ADAMTSL1: variants seen among roughly 807,000 people sequenced by gnomAD.
ADAMTSL1 encodes ADAMTS like 1.
ADAMTSL1 carries 126 observed loss-of-function variants against 201.8 expected under a neutral mutation model. The ratio of observed to expected loss-of-function variants is 0.62; its 90% CI spans 0.54 to 0.72. ADAMTSL1 has a LOEUF of 0.72. Among genes scored for constraint, ADAMTSL1 ranks in the 30% least tolerant of loss-of-function variants. ADAMTSL1 has a pLI of 0.00. For missense variants in ADAMTSL1, 2,679 were observed against 2,277.8 expected, an observed-to-expected ratio of 1.18 and a Z score of -3.59; for synonymous variants, 1,121 against 903.4, an observed-to-expected ratio of 1.24 and a Z score of -4.32.
chr9:18,658,487 A>T (rs59047805), intron 8 of ADAMTSL1, among the ~76,000 whole-genome samples: 26,860 of 152,172 alleles, frequency 0.18, 2,613 homozygotes, highest in African/African-American at 0.24. Context: ...ACCAGGAAAA[A>T]AAATCTCTGC....
chr9:18,894,345 C>CTTTTTTTTT lies in ADAMTSL1; in HGVS notation c.4851+1757_4851+1765dup, dbSNP rs56112949. On this transcript the variant is annotated intron_variant, in intron 26 of 28. Coordinates refer to ENST00000380548, the MANE Select transcript of ADAMTSL1 (RefSeq NM_001040272.6). ...CCTGGGTGACAGAGCAAAACCTTGT[C>CTTTTTTTTT]TTTTTTTTTTTTTTTTGAAAAAGGT... 3.4e-3 allele frequency among the ~76,000 whole-genome samples: 419 copies of CTTTTTTTTT among 123,880 alleles called. 11 individuals are homozygous for CTTTTTTTTT. The highest frequency in any genetic ancestry group is 3.8e-3 in the African/African-American group (119 of 31,342). 81.3% of individuals were successfully genotyped at this position (123,880 alleles called of 152,430 possible).
chr9:18,776,942 C>G lies in ADAMTSL1; in HGVS notation c.2713C>G (p.Arg905Gly), dbSNP rs769760271. ...GCTGCGCTGCCCGGCGCGCAGGGTC[C>G]GCAAGCCCCTCATCACCTGGGAGAA... ...VVLRCPARRVRKPLITWEKDG... is the reference protein window; with the variant it reads ...VVLRCPARRVGKPLITWEKDG... The change falls in exon 19 of 29, where the codon CGC becomes GGC. Residue 905 changes from arginine (R) to glycine (G), a missense_variant. Arg to Gly is a moderately radical substitution (Grantham distance 125, BLOSUM62 -2). Transcript: ENST00000380548. 1.2e-6 allele frequency: 2 copies of G among 1,600,142 alleles called. No homozygotes were observed. Among genetic ancestry groups the G allele is most frequent in the African/African-American group, 1.3e-5 (1 of 74,698 alleles).
chr9:18,208,629 A>G (rs1262278060), intron 2 of ADAMTSL1, among the ~76,000 whole-genome samples: 4 of 152,198 alleles, frequency 2.6e-5, no homozygotes, highest in African/African-American at 7.2e-5. Context: ...ATTATCCCCA[A>G]TTTGAGGATA....
chr9:18,658,314 G>A (rs2132990281), intron 8 of ADAMTSL1, among the ~76,000 whole-genome samples: 1 of 152,256 alleles, frequency 6.6e-6, no homozygotes, highest in African/African-American at 2.4e-5. Context: ...TTTGTAGAAG[G>A]CCAGAGCTAG....
chr9:18,310,682 G>T (rs1834115672), intron 2 of ADAMTSL1, among the ~76,000 whole-genome samples: 1 of 152,056 alleles, frequency 6.6e-6, no homozygotes, highest in Non-Finnish European at 1.5e-5. Flanking sequence ...TTAGAATGGC[G>T]ATCATTAAAA....
At chr9:18,044,092 T>C (rs370541902) in intron 1 of ADAMTSL1, among the ~76,000 whole-genome samples, 26 of 150,760 alleles carry the variant, frequency 1.7e-4, no homozygotes, top group East Asian at 9.8e-4. Context: ...ACCTGCTATG[T>C]GTAGGCTATT....
chr9:18,552,390 TTTTC>T (rs1253453211), intron 3 of ADAMTSL1, among the ~76,000 whole-genome samples: 1 of 151,850 alleles, frequency 6.6e-6, no homozygotes, highest in Non-Finnish European at 1.5e-5. Context: ...GCATTTACAT[TTTTC>T]TTTATTAATC....
chr9:18,615,760 G>C (rs1360343510), intron 4 of ADAMTSL1, among the ~76,000 whole-genome samples: 1 of 152,154 alleles, frequency 6.6e-6, no homozygotes, highest in Non-Finnish European at 1.5e-5. Flanking sequence ...ATGGTAAATG[G>C]GTTTAGTTTC....
chr9:18,770,551 G>A, intron 16 of ADAMTSL1, 51 bp from the exon 17 acceptor site: 1 of 1,526,750 alleles, frequency 6.5e-7, no homozygotes, highest in South Asian at 1.2e-5. Flanking sequence ...CAGTCAGACT[G>A]CCTTCCCATA....
chr9:18,037,147 C>T (rs1186531065), intron 1 of ADAMTSL1, among the ~76,000 whole-genome samples: 2 of 152,164 alleles, frequency 1.3e-5, no homozygotes, highest in Admixed American at 6.5e-5. Context: ...AGTTTGCACT[C>T]ATGAAACTTC....
intron 5 of ADAMTSL1, 183 bp downstream of exon 5, chr9:18,622,552 C>A: frequency 1.2e-6 from 1 of 833,676 alleles, no homozygotes; most frequent in Non-Finnish European, 1.8e-6. Flanking sequence ...AGGTTACCAG[C>A]TGCAGTCCCA....
rs902105866 is a variant in ADAMTSL1, at chr9:18,706,878, G to A, written c.1706G>A (p.Gly569Glu). The A allele has an allele frequency of 5.0e-6, 8 of 1,613,744 alleles. No homozygotes were observed. In the African/African-American group the frequency reaches 8.0e-5, roughly 16 times the overall value. ...VADLPIDECEGPKPASQRACY... is the reference protein window; with the variant it reads ...VADLPIDECEEPKPASQRACY... ...GACCTGCCTATTGACGAGTGTGAAGGGCCCAAGCCAGCATCCCAGCGTGCC... is the reference window on the plus strand; with the variant it reads ...GACCTGCCTATTGACGAGTGTGAAGAGCCCAAGCCAGCATCCCAGCGTGCC... The change falls in exon 14 of 29, where the codon GGG becomes GAG. Residue 569 changes from glycine to glutamate, a missense_variant. Transcript: ENST00000380548.
chr9:18,884,516 C>A (rs773816679), intron 23 of ADAMTSL1, among the ~76,000 whole-genome samples: 1 of 151,400 alleles, frequency 6.6e-6, no homozygotes, highest in Non-Finnish European at 1.5e-5. Context: ...TTTTCCCCTG[C>A]GATTTTTTTT....
At chr9:18,026,531 C>A (rs1186058557) in intron 1 of ADAMTSL1, among the ~76,000 whole-genome samples, 1 of 151,676 alleles carries the variant, frequency 6.6e-6, no homozygotes, top group Non-Finnish European at 1.5e-5. Flanking sequence ...GTGTGTTAAA[C>A]AAATTTTATA....
At chr9:18,894,688 A>G (rs1829507355) in intron 26 of ADAMTSL1, among the ~76,000 whole-genome samples, 1 of 152,224 alleles carries the variant, frequency 6.6e-6, no homozygotes, top group South Asian at 2.1e-4. Context: ...ATATCTAAGT[A>G]CAGATGCTCA....
chr9:18,516,428 C>T (rs933090512), intron 2 of ADAMTSL1, among the ~76,000 whole-genome samples: 1 of 152,190 alleles, frequency 6.6e-6, no homozygotes, highest in East Asian at 1.9e-4. Context: ...AATATACCAA[C>T]CTCAAATAGC....
At chr9:18,057,519 A>G (rs529796253) in intron 1 of ADAMTSL1, among the ~76,000 whole-genome samples, 1 of 152,340 alleles carries the variant, frequency 6.6e-6, no homozygotes, top group South Asian at 2.1e-4. Flanking sequence ...ACCCTAGCTG[A>G]GGGATATTTG....
At chr9:18,083,647 C>G (rs575014093) in intron 1 of ADAMTSL1, among the ~76,000 whole-genome samples, 4 of 152,214 alleles carry the variant, frequency 2.6e-5, no homozygotes, top group Non-Finnish European at 5.9e-5. Context: ...ATTCTAAACA[C>G]AGTGCAACTG....
chr9:18,204,644 C>T (rs751063986), intron 2 of ADAMTSL1, among the ~76,000 whole-genome samples: 27 of 151,996 alleles, frequency 1.8e-4, no homozygotes, highest in Non-Finnish European at 3.4e-4. Context: ...TAATACCAAA[C>T]AAAAAAGTTC....
Sources: allele counts gnomAD v4.1 joint callset (sites outside exome capture counted in the v4.1 genomes callset), GRCh38; gene constraint gnomAD v4.1.1; transcripts MANE v1.5; gene names NCBI Gene and HGNC (gene_info 2026-07-23, HGNC 2026-07-21).